Variants in TATDN2 observed in about 807,000 individuals in gnomAD.
The protein encoded by TATDN2 is TatD DNase domain containing 2, also known as 3'-5' RNA nuclease TATDN2.
In TATDN2, 44 loss-of-function variants were observed where a neutral mutation model predicts 60.3. The ratio of observed to expected loss-of-function variants is 0.73; its 90% confidence interval spans 0.57 to 0.94. TATDN2 has a LOEUF of 0.94. TATDN2 is among the 40% of genes least tolerant of loss of function. The pLI is 0.00. For synonymous variants in TATDN2, 399 were observed against 355.8 expected (o/e 1.12, Z -1.37); for missense variants, 997 against 948.0 (o/e 1.05, Z -0.68).
At chr3:10,255,649 T>A (rs1178717643) in intron 2 of TATDN2, among the ~76,000 whole-genome samples, 1 of 152,134 alleles carries the variant, frequency 6.6e-6, no homozygotes, top group Non-Finnish European at 1.5e-5. Context: ...CATTAAGAAT[T>A]TATGACTCCA....
chr3:10,275,732 C>G (rs888565630), intron 4 of TATDN2, among the ~76,000 whole-genome samples: 1 of 150,536 alleles, frequency 6.6e-6, no homozygotes, highest in African/African-American at 2.5e-5. Flanking sequence ...GGCGACAGAG[C>G]AAGATTCGGT....
chr3:10,275,868 A>G (rs1291610463), intron 4 of TATDN2, among the ~76,000 whole-genome samples: 1 of 152,222 alleles, frequency 6.6e-6, no homozygotes, highest in Non-Finnish European at 1.5e-5. Context: ...CTGGAGATGC[A>G]CACAAACACC....
In TATDN2 at chr3:10,270,853, C is replaced by A; in HGVS notation, c.1671C>A (p.Val557=). 2 of 1,614,208 alleles carry A rather than the reference C, an allele frequency of 1.2e-6. No homozygotes were observed. Among genetic ancestry groups the A allele is most frequent in the Non-Finnish European group, 1.7e-6 (2 of 1,180,038 alleles). The change falls in exon 4 of 8, where the codon GTC becomes GTA. Residue 557 remains valine, a synonymous_variant. Coordinates refer to ENST00000448281, the MANE Select transcript of TATDN2 (RefSeq NM_014760.4). Reference sequence around the variant, plus strand: ...AGGAGCTGTTGAAAGAGGATCTGGTCTGGGGGGCCTTTGGCTGTCACCCTC... The same window carrying A: ...AGGAGCTGTTGAAAGAGGATCTGGTATGGGGGGCCTTTGGCTGTCACCCTC... The part of the protein sequence containing the change: ...LWEELLKEDL[V]WGAFGCHPHF...
chr3:10,257,663 G>A (rs1237833334), intron 2 of TATDN2, among the ~76,000 whole-genome samples: 6 of 147,698 alleles, frequency 4.1e-5, no homozygotes, highest in South Asian at 2.2e-4. Context: ...AATAATCTCT[G>A]TAGACACGTT....
At chr3:10,259,468 G>A (rs1311780348) in intron 2 of TATDN2, among the ~76,000 whole-genome samples, 1 of 152,222 alleles carries the variant, frequency 6.6e-6, no homozygotes, top group African/African-American at 2.4e-5. Context: ...ACAAAGTCTA[G>A]CTTTTTCTGT....
At position 10,270,566 on chromosome 3, in the gene TATDN2, A is replaced by G; in HGVS notation, c.1384A>G (p.Lys462Glu). 4 of 1,614,224 alleles carry G rather than the reference A, an allele frequency of 2.5e-6. No homozygotes were observed. The South Asian group carries it at 3.3e-5, about 13-fold the overall frequency. ...RSSEEREVKEKRTFQEEMPPR... is the reference protein window; with the variant it reads ...RSSEEREVKEERTFQEEMPPR... ...CTCAGAAGAAAGAGAGGTGAAGGAG[A>G]AAAGAACATTCCAAGAGGAGATGCC... The change falls in exon 4 of 8, where the codon AAA becomes GAA. Residue 462 changes from lysine (K) to glutamate (E), a missense_variant. Physicochemically the swap from Lys to Glu is moderately conservative, Grantham distance 56 (BLOSUM62 1). Transcript: ENST00000448281.
intron 5 of TATDN2, among the ~76,000 whole-genome samples, chr3:10,276,715 A>C (rs571392724): frequency 6.6e-6 from 1 of 151,828 alleles, no homozygotes; most frequent in Non-Finnish European, 1.5e-5. Context: ...CAGCCTCCTG[A>C]GTAGCTGGGA....
Position 10,278,914 on chromosome 3 carries a change from C to A in TATDN2, c.2175C>A (p.His725Gln), listed in dbSNP as rs757103922. The change falls in exon 7 of 8, where the codon CAC (histidine) becomes CAA (glutamine). Residue 725 changes from histidine (H) to glutamine (Q), a missense_variant. His to Gln is a conservative substitution (Grantham distance 24). Coordinates refer to ENST00000448281, the MANE Select transcript of TATDN2 (RefSeq NM_014760.4). The surrounding 1 kb of genome is among the most constrained non-coding windows in gnomAD (Gnocchi z 4.7). ...QVPKSLCQYA[H>Q]PGLALHTVRE... ...CCAAAAGCCTTTGCCAGTATGCCCA[C>A]CCGGGCCTGGCCTTGCATACGGTCC... 1.2e-6 allele frequency: 2 copies of A among 1,613,552 alleles called. No homozygotes were observed. Among genetic ancestry groups the A allele is most frequent in the Non-Finnish European group, 8.5e-7 (1 of 1,179,852 alleles).
chr3:10,276,964 T>C (rs1698648416), intron 5 of TATDN2, among the ~76,000 whole-genome samples: 1 of 152,134 alleles, frequency 6.6e-6, no homozygotes, highest in African/African-American at 2.4e-5. Flanking sequence ...TTTTTTTTTT[T>C]TTTGCTCACA....
In TATDN2 at chr3:10,278,553, C is replaced by T; in HGVS notation, c.2145+91C>T. 3 of 1,524,484 alleles carry T rather than the reference C, an allele frequency of 2.0e-6. No individual in the cohort carries two copies. Among genetic ancestry groups the T allele is most frequent in the East Asian group, 2.3e-5 (1 of 44,346 alleles). The allele number at this position is 1,524,484 out of a possible 1,614,324, so 94.4% of individuals were successfully genotyped here. Reference sequence around the variant, plus strand: ...TTACAAGGTTGGCAGGGCCAGAGCCCCAGTGACTTCCAGGTCCCATCCTGG... The same window carrying T: ...TTACAAGGTTGGCAGGGCCAGAGCCTCAGTGACTTCCAGGTCCCATCCTGG... On this transcript the variant is annotated intron_variant, in intron 6 of 7. Transcript: ENST00000448281. This position sits in a 1 kb window ranked among gnomAD's most constrained non-coding sequence, Gnocchi z 4.7.
At chr3:10,267,839 C>T (rs1336175559) in intron 3 of TATDN2, among the ~76,000 whole-genome samples, 2 of 151,942 alleles carry the variant, frequency 1.3e-5, no homozygotes, top group Non-Finnish European at 2.9e-5. Flanking sequence ...TCAGGTGCAC[C>T]TATACAAAAG....
In TATDN2 at chr3:10,270,533, TC is replaced by T; in HGVS notation, c.1353del (p.Arg452GlufsTer8). Reference protein sequence around the residue: ...WSQNSRSFRFSRSSEEREVKE... With the variant: ...WSQNSRSFRFXRSSEEREVKE... ...CCAGAATTCTCGTTCATTTCGCTTC[TC>T]CAGAAGCTCAGAAGAAAGAGAGGTG... On this transcript the variant is annotated frameshift_variant, in exon 4 of 8. Coordinates refer to ENST00000448281, the MANE Select transcript of TATDN2 (RefSeq NM_014760.4). LOFTEE classifies it high-confidence loss of function. 1 of 1,614,164 alleles carries T rather than the reference TC, an allele frequency of 6.2e-7. No individual in the cohort carries two copies. The highest frequency in any genetic ancestry group is 8.5e-7 in the Non-Finnish European group (1 of 1,180,034).
chr3:10,271,108 A>G, intron 4 of TATDN2, 93 bp downstream of exon 4: 1 of 1,455,132 alleles, frequency 6.9e-7, no homozygotes, highest in Non-Finnish European at 9.1e-7. Flanking sequence ...TTAGAAGTAA[A>G]TAATTGAGAA....
Position 10,249,181 on chromosome 3 carries a change from C to T in TATDN2, c.-6-14C>T, listed in dbSNP as rs760157265. 16 of 1,508,790 alleles carry T rather than the reference C, an allele frequency of 1.1e-5. 1 individual carries two copies. Among genetic ancestry groups the T allele is most frequent in the East Asian group, 4.7e-5 (2 of 42,756 alleles). 93.5% of individuals were successfully genotyped at this position (1,508,790 alleles called of 1,614,324 possible). On this transcript the variant is annotated splice_polypyrimidine_tract_variant and intron_variant, in intron 1 of 7. Transcript: ENST00000448281. ...AAGGGTGGTGTTGGAATCCAGGCCC[C>T]CTGTACCTTGCAGGTGCCCATGGCG...
Position 10,279,014 on chromosome 3 carries a change from T to C in TATDN2, c.2275T>C (p.Tyr759His), listed in dbSNP as rs1217485926. The change falls in exon 7 of 8, where the codon TAC (tyrosine) becomes CAC (histidine). Residue 759 changes from tyrosine (Y) to histidine (H), a missense_variant. Physicochemically the swap from Tyr to His is moderately conservative, Grantham distance 83 (BLOSUM62 2). Coordinates refer to ENST00000448281, the MANE Select transcript of TATDN2 (RefSeq NM_014760.4). ...AALRENTSRL[Y>H]SL ...CTTGCGTGAGAACACCAGTCGCCTC[T>C]ACAGTCTTTAAGCAGAGAAGGTACA... The C allele has an allele frequency of 1.2e-6, 2 of 1,614,138 alleles. No homozygotes were observed. The highest frequency in any genetic ancestry group is 3.3e-5 in the Admixed American group (2 of 60,010).
At chr3:10,265,162 T>C (rs2544000) in intron 3 of TATDN2, among the ~76,000 whole-genome samples, 71,027 of 148,118 alleles carry the variant, frequency 0.48, 18,155 homozygotes, top group East Asian at 0.97. Flanking sequence ...CTGCCACCTC[T>C]GCCTCCTGGG....
intron 2 of TATDN2, among the ~76,000 whole-genome samples, chr3:10,257,670 C>T (rs892213977): frequency 6.7e-6 from 1 of 148,318 alleles, no homozygotes; most frequent in Non-Finnish European, 1.5e-5. Context: ...TCTGTAGACA[C>T]GTTAGAAAAT....
intron 5 of TATDN2, among the ~76,000 whole-genome samples, chr3:10,277,159 T>G (rs567289728): frequency 2.0e-4 from 31 of 152,182 alleles, no homozygotes; most frequent in Non-Finnish European, 4.4e-4. Context: ...TTAGGGTACT[T>G]GAAAGGACAT....
chr3:10,265,538 C>G (rs370816183), intron 3 of TATDN2, among the ~76,000 whole-genome samples: 231 of 150,072 alleles, frequency 1.5e-3, no homozygotes, highest in Middle Eastern at 0.014. Flanking sequence ...AAAAATTAGC[C>G]AGGTATGGTG....
Sources: allele counts gnomAD v4.1 joint callset (sites outside exome capture counted in the v4.1 genomes callset), GRCh38; gene constraint gnomAD v4.1.1; non-coding constraint Gnocchi (gnomAD v3.1); transcripts MANE v1.5; gene names NCBI Gene and HGNC (gene_info 2026-07-23, HGNC 2026-07-21).